Variants in BNC2 observed in about 807,000 individuals in gnomAD.
The protein encoded by BNC2 is zinc finger protein basonuclin-2.
In BNC2, 20 loss-of-function variants were observed where a neutral mutation model predicts 76.3. The observed-to-expected ratio is 0.26, with a 90% CI of 0.18 to 0.38. BNC2 has a LOEUF of 0.38. BNC2 is among the 10% of genes least tolerant of loss of function. The probability of loss-of-function intolerance (pLI) is 1.00; values close to 1 mark genes in which losing one functional copy is unlikely to be tolerated. For synonymous variants in BNC2, 582 were observed against 514.8 expected, an observed-to-expected ratio of 1.13 and a Z score of -1.77; for missense variants, 1,382 against 1,399.8, an observed-to-expected ratio of 0.99 and a Z score of 0.20.
chr9:16,452,317 A>G (rs1173007132), intron 5 of BNC2, among the ~76,000 whole-genome samples: 1 of 152,218 alleles, frequency 6.6e-6, no homozygotes, highest in East Asian at 1.9e-4. Context: ...GCAAACTGCA[A>G]CACTGTCTCT....
chr9:16,501,084 C>A (rs1301483105), intron 5 of BNC2, among the ~76,000 whole-genome samples: 3 of 151,012 alleles, frequency 2.0e-5, no homozygotes, highest in Admixed American at 2.0e-4. Flanking sequence ...CTTAGTTTTC[C>A]TCTTTGTAAA....
intron 3 of BNC2, among the ~76,000 whole-genome samples, chr9:16,693,311 C>T (rs560243749): frequency 1.7e-4 from 26 of 152,170 alleles, no homozygotes; most frequent in South Asian, 4.2e-4. Flanking sequence ...TTCCAGAGAA[C>T]GTGCATGAAT....
chr9:16,650,845 A>C (rs1821774386), intron 3 of BNC2, among the ~76,000 whole-genome samples: 1 of 152,198 alleles, frequency 6.6e-6, no homozygotes, highest in African/African-American at 2.4e-5. Flanking sequence ...ACTTTTAGAA[A>C]ATTATAGGTC....
rs1275778940 is a variant in BNC2 at position 16,418,900 on chromosome 9, C to CACACACACA, written c.*88_*89insTGTGTGTGT. ...ACACACACACACACACACACACACA[C>CACACACACA]CCCAAGTACATAAGCGCACACTGAC... is the stretch of plus-strand genomic sequence containing the variant. On this transcript the variant is annotated 3_prime_UTR_variant, in exon 7 of 7. Transcript: ENST00000380672. The CACACACACA allele has an allele frequency of 3.3e-4, 471 of 1,416,884 alleles. 1 individual carries two copies. In the African/African-American group the frequency reaches 5.5e-3, roughly 16 times the overall value. 87.8% of individuals were successfully genotyped at this position (1,416,884 alleles called of 1,614,324 possible).
chr9:16,781,487 C>T (rs927584074), intron 1 of BNC2, among the ~76,000 whole-genome samples: 3 of 152,208 alleles, frequency 2.0e-5, no homozygotes, highest in Non-Finnish European at 2.9e-5. Flanking sequence ...GGACTACAGG[C>T]GCAAGCCGCC....
intron 1 of BNC2, among the ~76,000 whole-genome samples, chr9:16,744,417 TAGG>T (rs1824942173): frequency 6.6e-6 from 1 of 152,186 alleles, no homozygotes; most frequent in Admixed American, 6.6e-5. Context: ...TGTAAAAATA[TAGG>T]AGAAGACTGG....
chr9:16,802,222 T>C (rs751204339), intron 1 of BNC2, among the ~76,000 whole-genome samples: 9 of 152,184 alleles, frequency 5.9e-5, no homozygotes, highest in Admixed American at 1.3e-4. Flanking sequence ...TTGAATAGCA[T>C]GAAGAAGAGA....
At chr9:16,485,128 A>ACACTATTT (rs1822137526) in intron 5 of BNC2, among the ~76,000 whole-genome samples, 1 of 151,696 alleles carries the variant, frequency 6.6e-6, no homozygotes, top group Non-Finnish European at 1.5e-5. Context: ...ACACACACAC[A>ACACTATTT]CACTATTTCT....
chr9:16,755,846 T>C (rs941821548), intron 1 of BNC2, among the ~76,000 whole-genome samples: 4 of 152,228 alleles, frequency 2.6e-5, no homozygotes, highest in African/African-American at 9.7e-5. Context: ...AAAGACCATT[T>C]TATCCTTCTC....
At chr9:16,515,335 G>T (rs1332831727) in intron 5 of BNC2, among the ~76,000 whole-genome samples, 1 of 152,154 alleles carries the variant, frequency 6.6e-6, no homozygotes, top group Non-Finnish European at 1.5e-5. Context: ...GTGTTTGCTG[G>T]GCTCCAGTCA....
chr9:16,494,659 G>A (rs1822348668), intron 5 of BNC2, among the ~76,000 whole-genome samples: 1 of 152,158 alleles, frequency 6.6e-6, no homozygotes, highest in African/African-American at 2.4e-5. Flanking sequence ...ACAAGTGAAG[G>A]AGGGAGAGAG....
At chr9:16,866,679 A>C (rs1342743297) in intron 1 of BNC2, among the ~76,000 whole-genome samples, 1 of 151,606 alleles carries the variant, frequency 6.6e-6, no homozygotes, top group East Asian at 1.9e-4. Flanking sequence ...AAAAAAAAAA[A>C]AAAAAACCAT....
intron 5 of BNC2, among the ~76,000 whole-genome samples, chr9:16,547,673 A>G (rs1309840694): frequency 1.3e-5 from 2 of 152,308 alleles, no homozygotes; most frequent in East Asian, 3.9e-4. Flanking sequence ...TGCCTAGAAG[A>G]GAAGAAATTA....
At chr9:16,517,524 G>T (rs1218320506) in intron 5 of BNC2, among the ~76,000 whole-genome samples, 1 of 152,086 alleles carries the variant, frequency 6.6e-6, no homozygotes, top group Non-Finnish European at 1.5e-5. Context: ...CAGTGGGAGG[G>T]TAATTCCTAT....
At chr9:16,551,138 A>T (rs949353956) in intron 5 of BNC2, among the ~76,000 whole-genome samples, 11 of 152,172 alleles carry the variant, frequency 7.2e-5, no homozygotes, top group African/African-American at 2.7e-4. Flanking sequence ...ATTCTGTATA[A>T]ACTGAAAACG....
intron 5 of BNC2, among the ~76,000 whole-genome samples, chr9:16,458,067 T>A (rs1821493321): frequency 6.6e-6 from 1 of 152,114 alleles, no homozygotes; most frequent in African/African-American, 2.4e-5. Context: ...AGGTGTGATT[T>A]ATTAGTGCCC....
At chr9:16,760,510 G>A (rs1218011770) in intron 1 of BNC2, among the ~76,000 whole-genome samples, 1 of 152,082 alleles carries the variant, frequency 6.6e-6, no homozygotes, top group Non-Finnish European at 1.5e-5. Context: ...CTTAGGCCCT[G>A]ATAGTGAAAA....
chr9:16,453,102 A>C (rs183051711), intron 5 of BNC2, among the ~76,000 whole-genome samples: 1 of 152,346 alleles, frequency 6.6e-6, no homozygotes, highest in East Asian at 1.9e-4. Context: ...TAGAGCAAAG[A>C]AAATGAAAGA....
chr9:16,746,569 T>C (rs764484673), intron 1 of BNC2, among the ~76,000 whole-genome samples: 74 of 151,452 alleles, frequency 4.9e-4, no homozygotes, highest in Admixed American at 1.4e-3. Context: ...TCACACCATG[T>C]TGGCAGACTG....
Sources: allele counts gnomAD v4.1 joint callset (sites outside exome capture counted in the v4.1 genomes callset), GRCh38; gene constraint gnomAD v4.1.1; transcripts MANE v1.5; gene names NCBI Gene and HGNC (gene_info 2026-07-23, HGNC 2026-07-21).